FRMD4B: variants seen among roughly 807,000 people sequenced by gnomAD.
FRMD4B encodes FERM domain-containing protein 4B.
FRMD4B carries 74 observed loss-of-function variants against 141.5 expected under a neutral mutation model. The ratio of observed to expected loss-of-function variants is 0.52; its 90% CI spans 0.43 to 0.63. The LOEUF (loss-of-function observed/expected upper bound fraction) is 0.63. Among genes scored for constraint, FRMD4B ranks in the 30% least tolerant of loss-of-function variants. The pLI is 0.00. For missense variants in FRMD4B, 1,366 were observed against 1,253.4 expected, an observed-to-expected ratio of 1.09 and a Z score of -1.36; for synonymous variants, 506 against 467.9, an observed-to-expected ratio of 1.08 and a Z score of -1.05.
intron 1 of FRMD4B, among the ~76,000 whole-genome samples, chr3:69,475,776 G>A (rs946065539): frequency 1.3e-5 from 2 of 150,808 alleles, no homozygotes; most frequent in African/African-American, 2.5e-5. Flanking sequence ...CCTGGGAATC[G>A]CCACACCGAC....
intron 1 of FRMD4B, among the ~76,000 whole-genome samples, chr3:69,482,703 G>T (rs1199934910): frequency 6.6e-6 from 1 of 152,206 alleles, no homozygotes; most frequent in Non-Finnish European, 1.5e-5. Context: ...ATTAGAGGGG[G>T]CAGGAAGTAC....
chr3:69,414,851 C>T (rs1386220547), intron 2 of FRMD4B, among the ~76,000 whole-genome samples: 1 of 146,646 alleles, frequency 6.8e-6, no homozygotes, highest in Non-Finnish European at 1.5e-5. Context: ...AGACTCACAG[C>T]GAACAAGCTG....
chr3:69,171,383 AC>A lies in FRMD4B; in HGVS notation c.*477del, dbSNP rs2107552552. 6.5e-6 allele frequency: 1 copy of A among 154,518 alleles called. No homozygotes were observed. Among genetic ancestry groups the A allele is most frequent in the Non-Finnish European group, 1.4e-5 (1 of 69,602 alleles). 9.6% of individuals were successfully genotyped at this position (154,518 alleles called of 1,614,324 possible). A position where few individuals can be genotyped will look rare whatever the true frequency, so the allele number is the denominator to read the frequency against. ...CATGTCTGTGTAGAAAGAGCATGTT[AC>A]TCTTTGTCAGCTCACGAATTCAAAC... On this transcript the variant is annotated 3_prime_UTR_variant, in exon 23 of 23. Coordinates refer to ENST00000398540, the MANE Select transcript of FRMD4B (RefSeq NM_015123.3).
At chr3:69,339,627 A>G (rs1027596785) in intron 1 of FRMD4B, among the ~76,000 whole-genome samples, 4 of 152,314 alleles carry the variant, frequency 2.6e-5, no homozygotes, top group African/African-American at 7.2e-5. Context: ...TTAAAGTACA[A>G]TAAAAAAAAT....
chr3:69,411,646 A>C (rs1704762948), intron 2 of FRMD4B, among the ~76,000 whole-genome samples: 2 of 152,220 alleles, frequency 1.3e-5, no homozygotes, highest in East Asian at 1.9e-4. Flanking sequence ...GCTGACCCTG[A>C]TCTCCTGTCT....
chr3:69,208,208 C>A (rs993187466), intron 11 of FRMD4B, among the ~76,000 whole-genome samples: 5 of 152,132 alleles, frequency 3.3e-5, no homozygotes, highest in African/African-American at 1.2e-4. Context: ...AGATTACAGG[C>A]ACCCACCACC....
At chr3:69,288,152 A>T (rs2107073043) in intron 4 of FRMD4B, among the ~76,000 whole-genome samples, 1 of 152,378 alleles carries the variant, frequency 6.6e-6, no homozygotes, top group South Asian at 2.1e-4. Context: ...ATGTTCTGGG[A>T]GTTCATAATA....
rs532102669 is a variant in FRMD4B at position 69,358,622 on chromosome 3, G to A, written c.162+27206C>T. On this transcript the variant is annotated intron_variant, in intron 1 of 22. Coordinates refer to ENST00000398540, the MANE Select transcript of FRMD4B (RefSeq NM_015123.3). ...GTGGTGGCATGCGCCTATAGTCCCAGATACTCAGGAGGCTGAGGTAGGAGA... is the reference window on the plus strand; with the variant it reads ...GTGGTGGCATGCGCCTATAGTCCCAAATACTCAGGAGGCTGAGGTAGGAGA... Among the ~76,000 whole-genome samples the A allele has an allele frequency of 1.8e-4, 28 of 152,250 alleles. No individual in the cohort carries two copies. In the South Asian group the frequency reaches 5.8e-3, roughly 32 times the overall value.
rs531725330 is a variant in FRMD4B at position 69,485,223 on chromosome 3, C to T, written c.-128-52462G>A. On this transcript the variant is annotated intron_variant, in intron 1 of 5. Coordinates refer to the FRMD4B transcript ENST00000459638. Reference sequence around the variant, plus strand: ...GGCTGTGACAGTGGCTGGGCTTGGCCCCAACTCCACTCAGAGATTGGAGTG... The same window carrying T: ...GGCTGTGACAGTGGCTGGGCTTGGCTCCAACTCCACTCAGAGATTGGAGTG... 5.9e-5 allele frequency among the ~76,000 whole-genome samples: 9 copies of T among 152,332 alleles called. No homozygotes were observed. The East Asian group carries it at 1.4e-3, about 23-fold the overall frequency.
intron 1 of FRMD4B, among the ~76,000 whole-genome samples, chr3:69,516,167 G>T (rs535524549): frequency 2.6e-5 from 4 of 152,238 alleles, no homozygotes; most frequent in Admixed American, 2.6e-4. Flanking sequence ...TGAGGCTGTG[G>T]TGAGCAATGA....
intron 5 of FRMD4B, among the ~76,000 whole-genome samples, chr3:69,276,279 CTTT>C (rs1300554200): frequency 1.3e-5 from 2 of 152,108 alleles, no homozygotes; most frequent in Non-Finnish European, 2.9e-5. Flanking sequence ...GATGTACTCT[CTTT>C]TTTTGAGACA....
intron 1 of FRMD4B, among the ~76,000 whole-genome samples, chr3:69,477,382 A>G (rs1298350700): frequency 6.8e-6 from 1 of 147,828 alleles, no homozygotes; most frequent in Non-Finnish European, 1.5e-5. Context: ...CGTCCCATCA[A>G]TACCTAATTT....
At chr3:69,218,456 C>T (rs2093162516) in intron 9 of FRMD4B, 77 bp from the exon 10 acceptor site, 3 of 655,822 alleles carry the variant, frequency 4.6e-6, no homozygotes, top group Non-Finnish European at 8.1e-6. Context: ...TTTAAAGAAA[C>T]ACCACGTTTC....
chr3:69,192,524 G>A (rs2092849582), intron 17 of FRMD4B, among the ~76,000 whole-genome samples: 1 of 152,242 alleles, frequency 6.6e-6, no homozygotes, highest in South Asian at 2.1e-4. Flanking sequence ...CAATAAACAT[G>A]TAAGGTCAAT....
At chr3:69,506,895 C>T (rs781642558) in intron 1 of FRMD4B, among the ~76,000 whole-genome samples, 10 of 152,040 alleles carry the variant, frequency 6.6e-5, no homozygotes, top group African/African-American at 1.2e-4. Context: ...ACTGCGGTGA[C>T]GATTTATTTT....
At chr3:69,368,567 C>T (rs1232912887) in intron 1 of FRMD4B, among the ~76,000 whole-genome samples, 1 of 152,188 alleles carries the variant, frequency 6.6e-6, no homozygotes, top group Non-Finnish European at 1.5e-5. Flanking sequence ...AATGCAATTG[C>T]CACATTTTGA....
chr3:69,192,086 G>A (rs2092843903), intron 17 of FRMD4B, among the ~76,000 whole-genome samples: 1 of 152,138 alleles, frequency 6.6e-6, no homozygotes, highest in South Asian at 2.1e-4. Context: ...CATCTAGTGT[G>A]TTAAGAACTA....
chr3:69,225,814 GA>G (rs377682057), intron 7 of FRMD4B, among the ~76,000 whole-genome samples: 1 of 148,594 alleles, frequency 6.7e-6, no homozygotes, highest in African/African-American at 2.5e-5. Context: ...CATAATCTAT[GA>G]GGAAATGAAC....
intron 3 of FRMD4B, among the ~76,000 whole-genome samples, chr3:69,303,385 G>A (rs1179077979): frequency 4.0e-5 from 6 of 149,024 alleles, no homozygotes; most frequent in East Asian, 3.9e-4. Context: ...CAATTTCCAA[G>A]AGACGATATT....
Sources: gnomAD v4.1 joint callset for allele counts (sites outside exome capture counted in the v4.1 genomes callset) on GRCh38, gnomAD v4.1.1 for gene constraint, MANE v1.5 for transcripts, NCBI Gene and HGNC (gene_info 2026-07-23, HGNC 2026-07-21) for gene names.